CDH4: variants seen among roughly 807,000 people sequenced by gnomAD.
CDH4 encodes the protein cadherin-4.
In CDH4, 33 loss-of-function variants were observed where a neutral mutation model predicts 86.0. That is an observed-to-expected ratio of 0.38 (90% confidence interval 0.29 to 0.51). The LOEUF (loss-of-function observed/expected upper bound fraction) is 0.51. CDH4 is among the 20% of genes least tolerant of loss of function. CDH4 has a pLI of 0.86. For synonymous variants in CDH4, 555 were observed against 549.4 expected (o/e 1.01, Z -0.14); for missense variants, 1,114 against 1,307.4 (o/e 0.85, Z 2.28).
chr20:61,497,275 G>T (rs1414000707), intron 2 of CDH4, among the ~76,000 whole-genome samples: 1 of 152,040 alleles, frequency 6.6e-6, no homozygotes, highest in Non-Finnish European at 1.5e-5. Context: ...TGTTTGCTCT[G>T]CTCTGTTTGT....
Position 61,363,565 on chromosome 20 carries a change from A to C in CDH4, c.169+108628A>C, listed in dbSNP as rs149128849. Among the ~76,000 whole-genome samples, 919 of 152,304 alleles carry C rather than the reference A, an allele frequency of 6.0e-3. 3 individuals carry two copies. The highest frequency in any genetic ancestry group is 9.4e-3 in the African/African-American group (391 of 41,574). On this transcript the variant is annotated intron_variant, in intron 2 of 15. Transcript: ENST00000614565. ...GTGTTAAATAAGGGGGATCTGGCCA[A>C]GTCAGGCTTCCTGAGGCAGCAAGAG...
At chr20:61,499,404 G>A in intron 2 of CDH4, 6 of 1,249,122 alleles carry the variant, frequency 4.8e-6, no homozygotes, top group Non-Finnish European at 6.3e-6. Context: ...GGACTGGGGT[G>A]CAGGTGTGCC....
chr20:61,298,318 C>T (rs931787830), intron 2 of CDH4, among the ~76,000 whole-genome samples: 5 of 152,056 alleles, frequency 3.3e-5, no homozygotes, highest in East Asian at 3.9e-4. Context: ...GGGGATTAGA[C>T]GGAAGTGCAC....
At chr20:61,262,687 T>C (rs1406694022) in intron 2 of CDH4, among the ~76,000 whole-genome samples, 1 of 152,178 alleles carries the variant, frequency 6.6e-6, no homozygotes, top group Non-Finnish European at 1.5e-5. Flanking sequence ...TGTGGAAATT[T>C]TGTGACTTCT....
At chr20:61,874,841 C>T (rs1179787994) in intron 7 of CDH4, among the ~76,000 whole-genome samples, 3 of 152,246 alleles carry the variant, frequency 2.0e-5, no homozygotes, top group South Asian at 2.1e-4. Context: ...AGAGCCACCT[C>T]GCTGGGCTCA....
At chr20:61,387,213 G>C (rs2084956364) in intron 2 of CDH4, among the ~76,000 whole-genome samples, 1 of 151,118 alleles carries the variant, frequency 6.6e-6, no homozygotes, top group Non-Finnish European at 1.5e-5. Context: ...CCCACACACA[G>C]ATCCATATAT....
chr20:61,353,686 C>T (rs1278089059), intron 2 of CDH4, among the ~76,000 whole-genome samples: 1 of 57,154 alleles, frequency 1.7e-5, no homozygotes, highest in African/African-American at 7.2e-5. Context: ...CCTCCTCCCC[C>T]TCCTCCTCCC....
chr20:61,852,750 C>G lies in CDH4; in HGVS notation c.733-4C>G, dbSNP rs1982784635. On this transcript the variant is annotated splice_region_variant and splice_polypyrimidine_tract_variant and intron_variant, in intron 5 of 15. Transcript: ENST00000614565. ...ACTGGGCCCTGTCTCTGCTGCTTTT[C>G]CAGCTCCGAGCCCACGCTGTGGACA... 1 of 1,608,044 alleles carries G rather than the reference C, an allele frequency of 6.2e-7. No individual in the cohort carries two copies. Among genetic ancestry groups the G allele is most frequent in the African/African-American group, 1.3e-5 (1 of 74,906 alleles).
chr20:61,320,469 G>A (rs1427271946), intron 2 of CDH4, among the ~76,000 whole-genome samples: 1 of 152,054 alleles, frequency 6.6e-6, no homozygotes, highest in African/African-American at 2.4e-5. Context: ...TCCACAGGGA[G>A]CGGTGACCTG....
intron 7 of CDH4, among the ~76,000 whole-genome samples, chr20:61,880,011 C>T (rs947532985): frequency 2.0e-5 from 3 of 152,192 alleles, no homozygotes; most frequent in African/African-American, 4.8e-5. Context: ...CCTCCCCGAA[C>T]GTCTTCAAGA....
chr20:61,848,057 G>T (rs1017974506), intron 5 of CDH4, among the ~76,000 whole-genome samples: 4 of 152,254 alleles, frequency 2.6e-5, no homozygotes, highest in Non-Finnish European at 5.9e-5. Flanking sequence ...GCAGAGCTTT[G>T]CTCAGCACCA....
intron 2 of CDH4, among the ~76,000 whole-genome samples, chr20:61,441,581 A>T (rs180937193): frequency 6.6e-6 from 1 of 152,312 alleles, no homozygotes; most frequent in Non-Finnish European, 1.5e-5. Context: ...TTGGGTGGTT[A>T]TGAGGTCATG....
Position 61,284,184 on chromosome 20 carries a change from G to GGGTGCCTGTAGTCCCAGCTACTT in CDH4, c.169+29250_169+29272dup, listed in dbSNP as rs2084280834. The stretch of plus-strand genomic sequence containing the variant: ...AAAAAAACTGGCCTGGCATAGTGGT[G>GGGTGCCTGTAGTCCCAGCTACTT]GGTGCCTGTAGTCCCAGCTACTTGG... On this transcript the variant is annotated intron_variant, in intron 2 of 15. Coordinates refer to ENST00000614565, the MANE Select transcript of CDH4 (RefSeq NM_001794.5). Among the ~76,000 whole-genome samples the GGGTGCCTGTAGTCCCAGCTACTT allele has an allele frequency of 3.9e-5, 6 of 152,012 alleles. No homozygotes were observed. In the South Asian group the frequency reaches 1.0e-3, roughly 26 times the overall value.
At chr20:61,559,297 G>A (rs1361345572) in intron 2 of CDH4, among the ~76,000 whole-genome samples, 4 of 152,032 alleles carry the variant, frequency 2.6e-5, no homozygotes, top group Non-Finnish European at 5.9e-5. Context: ...CAGCCTGGGT[G>A]ACAGAGTGAG....
intron 2 of CDH4, among the ~76,000 whole-genome samples, chr20:61,354,825 C>A (rs1239420872): frequency 6.6e-6 from 1 of 152,194 alleles, no homozygotes; most frequent in East Asian, 1.9e-4. Context: ...CTGGAACCTG[C>A]CAGGGGTGCA....
chr20:61,422,339 G>A (rs1351829207), intron 2 of CDH4, among the ~76,000 whole-genome samples: 2 of 147,478 alleles, frequency 1.4e-5, no homozygotes, highest in South Asian at 2.2e-4. Context: ...CAGGAGAATC[G>A]CTTGAACCCG....
At chr20:61,335,687 T>G (rs13045778) in intron 2 of CDH4, among the ~76,000 whole-genome samples, 55,863 of 152,106 alleles carry the variant, frequency 0.37, 10,238 homozygotes, top group East Asian at 0.5. Context: ...GAGTTCACCT[T>G]TAGAGAAGGA....
At chr20:61,757,488 G>T (rs1451148548) in intron 3 of CDH4, among the ~76,000 whole-genome samples, 2 of 152,346 alleles carry the variant, frequency 1.3e-5, no homozygotes, top group African/African-American at 4.8e-5. Context: ...ATAGAGGGGT[G>T]CCCAGGGCCC....
chr20:61,794,698 T>A (rs1210695402), intron 4 of CDH4, among the ~76,000 whole-genome samples: 1 of 152,166 alleles, frequency 6.6e-6, no homozygotes, highest in Non-Finnish European at 1.5e-5. Context: ...AAACCACCTA[T>A]GGCTGGTCCC....
Sources: gnomAD v4.1 joint callset for allele counts (sites outside exome capture counted in the v4.1 genomes callset) on GRCh38, gnomAD v4.1.1 for gene constraint, MANE v1.5 for transcripts, NCBI Gene and HGNC (gene_info 2026-07-23, HGNC 2026-07-21) for gene names.